HPCAL1: variants seen among roughly 807,000 people sequenced by gnomAD.
HPCAL1 encodes the protein hippocalcin like 1.
In HPCAL1, 8 loss-of-function variants were observed where a neutral mutation model predicts 17.1. That is an observed-to-expected ratio of 0.47 (90% CI 0.27 to 0.84). HPCAL1 has a LOEUF of 0.84. Among genes scored for constraint, HPCAL1 ranks in the 40% least tolerant of loss-of-function variants. The pLI, the probability that HPCAL1 is intolerant of heterozygous loss-of-function variation, is 0.13. For synonymous variants in HPCAL1, 112 were observed against 111.4 expected, an observed-to-expected ratio of 1.01 and a Z score of -0.03; for missense variants, 165 against 271.1, an observed-to-expected ratio of 0.61 and a Z score of 2.75.
Position 10,339,893 on chromosome 2 carries a change from G to A in HPCAL1, c.-111+36716G>A, listed in dbSNP as rs555238330. 2.6e-5 allele frequency among the ~76,000 whole-genome samples: 4 copies of A among 152,324 alleles called. No individual in the cohort carries two copies. The East Asian group carries it at 5.8e-4, about 22-fold the overall frequency. ...CGTTGAGGCCTGAGCCCCTGCGTGC[G>A]CCCAGCGGAGCCAGCACTCTCCCTG... On this transcript the variant is annotated intron_variant, in intron 1 of 4. Coordinates refer to ENST00000307845, the MANE Select transcript of HPCAL1 (RefSeq NM_002149.4).
At chr2:10,381,221 T>C (rs897888231) in intron 1 of HPCAL1, among the ~76,000 whole-genome samples, 13 of 152,164 alleles carry the variant, frequency 8.5e-5, no homozygotes, top group African/African-American at 3.1e-4. Flanking sequence ...AGGCCCTTAG[T>C]CTAAGCAAGG....
intron 1 of HPCAL1, among the ~76,000 whole-genome samples, chr2:10,348,716 C>T (rs1355460951): frequency 1.3e-5 from 2 of 151,590 alleles, no homozygotes; most frequent in Non-Finnish European, 2.9e-5. Flanking sequence ...GAGTCTGAGG[C>T]TGCAATGGGC....
At position 10,377,763 on chromosome 2, in the gene HPCAL1, A is replaced by G. The variant is rs116293053; in HGVS notation, c.-110-19072A>G. ...TTGAGGAACTGAGTCCAGTGTGAACAGTGAACACAGAAACATAAAGGGACA... is the reference window on the plus strand; with the variant it reads ...TTGAGGAACTGAGTCCAGTGTGAACGGTGAACACAGAAACATAAAGGGACA... On this transcript the variant is annotated intron_variant, in intron 1 of 4. Transcript: ENST00000307845. The surrounding 1 kb of genome is among the most constrained non-coding windows in gnomAD (Gnocchi z 5.9). Among the ~76,000 whole-genome samples, 757 of 152,176 alleles carry G rather than the reference A, an allele frequency of 5.0e-3. 10 individuals carry two copies. Among genetic ancestry groups the G allele is most frequent in the African/African-American group, 0.017 (720 of 41,496 alleles).
chr2:10,389,500 C>T (rs1487270810), intron 1 of HPCAL1, among the ~76,000 whole-genome samples: 2 of 152,240 alleles, frequency 1.3e-5, no homozygotes, highest in African/African-American at 2.4e-5. Flanking sequence ...CATCTGTACA[C>T]CAGGAAGACA....
intron 1 of HPCAL1, among the ~76,000 whole-genome samples, chr2:10,382,806 T>C (rs1201669214): frequency 1.3e-5 from 2 of 152,134 alleles, no homozygotes; most frequent in Non-Finnish European, 2.9e-5. Flanking sequence ...TGTGGGAGTG[T>C]GCTCTCCACA....
At chr2:10,328,739 C>T (rs1199293522) in intron 1 of HPCAL1, among the ~76,000 whole-genome samples, 1 of 152,116 alleles carries the variant, frequency 6.6e-6, no homozygotes, top group Non-Finnish European at 1.5e-5. Context: ...CCTCATAATA[C>T]ATTTCTGTCT....
chr2:10,355,247 C>T (rs1315048866), intron 1 of HPCAL1, among the ~76,000 whole-genome samples: 11 of 151,666 alleles, frequency 7.3e-5, no homozygotes, highest in Non-Finnish European at 1.3e-4. Context: ...GTCAGGAGAT[C>T]GAGACCATCC....
In HPCAL1 at chr2:10,367,051, G is replaced by A. The variant is rs181050885; in HGVS notation, c.-110-29784G>A. ...AGTGAGGCTGGCCCTGCCCTTGCTC[G>A]CCCAGCTGATCTGACACCCTCCAGA... On this transcript the variant is annotated intron_variant, in intron 1 of 4. Coordinates refer to ENST00000307845, the MANE Select transcript of HPCAL1 (RefSeq NM_002149.4). The surrounding 1 kb of genome is among the most constrained non-coding windows in gnomAD (Gnocchi z 4.4). Among the ~76,000 whole-genome samples the A allele has an allele frequency of 5.7e-4, 87 of 152,106 alleles. No homozygotes were observed. The highest frequency in any genetic ancestry group is 2.3e-3 in the Admixed American group (35 of 15,282).
chr2:10,414,172 C>G (rs190834971), intron 2 of HPCAL1, among the ~76,000 whole-genome samples: 34 of 152,390 alleles, frequency 2.2e-4, no homozygotes, highest in African/African-American at 7.9e-4. Flanking sequence ...GTTGCTGCTT[C>G]TGGCTGTCCC....
intron 3 of HPCAL1, among the ~76,000 whole-genome samples, chr2:10,422,556 G>T (rs13401901): frequency 0.6 from 91,700 of 152,036 alleles, 28,533 homozygotes; most frequent in African/African-American, 0.74. Flanking sequence ...GATGGGGCTT[G>T]CCCTGTGAGT....
At position 10,386,193 on chromosome 2, in the gene HPCAL1, C is replaced by T. The variant is rs185461167; in HGVS notation, c.-110-10642C>T. On this transcript the variant is annotated intron_variant, in intron 1 of 4. Transcript: ENST00000307845. The stretch of plus-strand genomic sequence containing the variant: ...TTTAGACATGTGCCTTCCATCTTGC[C>T]TGGGCCACCATGTTGATCCTCTGGG... 2.8e-4 allele frequency among the ~76,000 whole-genome samples: 42 copies of T among 152,264 alleles called. 1 individual carries two copies. The highest frequency in any genetic ancestry group is 6.8e-3 in the Middle Eastern group (2 of 294).
At chr2:10,387,432 C>A (rs748306884) in intron 1 of HPCAL1, among the ~76,000 whole-genome samples, 1 of 152,226 alleles carries the variant, frequency 6.6e-6, no homozygotes, top group Non-Finnish European at 1.5e-5. Context: ...CACCCTCTCA[C>A]CCCCACAGCG....
At chr2:10,414,760 A>T (rs1186267721) in intron 2 of HPCAL1, among the ~76,000 whole-genome samples, 1 of 152,046 alleles carries the variant, frequency 6.6e-6, no homozygotes, top group South Asian at 2.1e-4. Context: ...TAAACCACAC[A>T]CGGACATGCT....
intron 1 of HPCAL1, among the ~76,000 whole-genome samples, chr2:10,369,628 G>A (rs1222676692): frequency 2.0e-5 from 3 of 152,236 alleles, no homozygotes; most frequent in Admixed American, 6.5e-5. Flanking sequence ...GGTGGGCTCT[G>A]ATGGGACTCA....
At chr2:10,311,944 GTCA>G (rs1363572525) in intron 1 of HPCAL1, among the ~76,000 whole-genome samples, 2 of 148,544 alleles carry the variant, frequency 1.3e-5, no homozygotes, top group South Asian at 2.2e-4. Flanking sequence ...CATCATCACT[GTCA>G]TCATCACCAT....
At chr2:10,328,991 A>T (rs549168429) in intron 1 of HPCAL1, among the ~76,000 whole-genome samples, 1 of 151,350 alleles carries the variant, frequency 6.6e-6, no homozygotes, top group East Asian at 1.9e-4. Context: ...TTAAATTTTT[A>T]ATTTTAATTA....
At chr2:10,356,952 A>C (rs540966283) in intron 1 of HPCAL1, among the ~76,000 whole-genome samples, 41 of 152,300 alleles carry the variant, frequency 2.7e-4, no homozygotes, top group African/African-American at 9.4e-4. Flanking sequence ...CATTACCCCC[A>C]AAAATACAAA....
intron 1 of HPCAL1, among the ~76,000 whole-genome samples, chr2:10,376,892 C>T (rs997239978): frequency 3.0e-5 from 4 of 133,918 alleles, no homozygotes; most frequent in South Asian, 2.3e-4. Flanking sequence ...GTGTGTAGTA[C>T]AATACATAGC....
At chr2:10,317,914 G>A (rs1316343778) in intron 1 of HPCAL1, among the ~76,000 whole-genome samples, 4 of 152,180 alleles carry the variant, frequency 2.6e-5, no homozygotes, top group Non-Finnish European at 5.9e-5. Flanking sequence ...TAAACCTCGG[G>A]GCCTGGAACC....
Sources: allele counts gnomAD v4.1 joint callset (sites outside exome capture counted in the v4.1 genomes callset), GRCh38; gene constraint gnomAD v4.1.1; non-coding constraint Gnocchi (gnomAD v3.1); transcripts MANE v1.5; gene names NCBI Gene and HGNC (gene_info 2026-07-23, HGNC 2026-07-21).